Variants in FKBP11 observed in about 807,000 individuals in gnomAD.
The protein encoded by FKBP11 is FKBP prolyl isomerase 11, also known as peptidyl-prolyl cis-trans isomerase FKBP11.
A neutral mutation model predicts 24.7 loss-of-function variants in FKBP11; 21 were observed. The observed-to-expected ratio is 0.85, with a 90% CI of 0.60 to 1.23. FKBP11 has a LOEUF of 1.23. Ranked by LOEUF, FKBP11 falls within the 50% of genes most tolerant of loss-of-function variation. The pLI is 0.00. For synonymous variants in FKBP11, 106 were observed against 100.6 expected (o/e 1.05, Z -0.32); for missense variants, 245 against 248.7 (o/e 0.99, Z 0.10).
upstream of FKBP11, among the ~76,000 whole-genome samples, chr12:48,929,297 G>A (rs1464232372): frequency 6.6e-6 from 1 of 151,908 alleles, no homozygotes; most frequent in East Asian, 1.9e-4. Flanking sequence ...ATAATTTAAC[G>A]ATTAGCTAGG....
At chr12:48,938,504 A>G in the FKBP11 span, 1 of 451,454 alleles carries the variant, frequency 2.2e-6, no homozygotes. Context: ...AAACACAGAG[A>G]GGCCCGTGCA....
the FKBP11 span, chr12:48,938,865 G>A: frequency 6.5e-7 from 1 of 1,537,784 alleles, no homozygotes; most frequent in Non-Finnish European, 8.8e-7. Flanking sequence ...CACTTGCATG[G>A]AGAGGAAGGG....
intron 5 of FKBP11, chr12:48,923,557 G>A: frequency 1.3e-6 from 2 of 1,551,668 alleles, no homozygotes; most frequent in Non-Finnish European, 1.7e-6. Context: ...ACAAGTTACT[G>A]GCTGCTGGAG....
In FKBP11 at chr12:48,925,458, C is replaced by A. The variant is rs1000288735; in HGVS notation, c.-30G>T. The A allele has an allele frequency of 1.3e-6, 2 of 1,542,454 alleles. No homozygotes were observed. ...GGGCGCGGGGCAGGGAGCCGGGGCA[C>A]CAGGACAGGCTGTTCGGGTGGCGGC... On this transcript the variant is annotated 5_prime_UTR_variant, in exon 1 of 6. Coordinates refer to ENST00000550765, the MANE Select transcript of FKBP11 (RefSeq NM_016594.3).
chr12:48,927,608 G>C (rs945821422), upstream of FKBP11, among the ~76,000 whole-genome samples: 3 of 152,192 alleles, frequency 2.0e-5, no homozygotes, highest in Non-Finnish European at 2.9e-5. Context: ...AACATAAACA[G>C]AAGTGTTGGA....
At chr12:48,923,283 A>G in intron 5 of FKBP11, 1 of 1,396,240 alleles carries the variant, frequency 7.2e-7, no homozygotes, top group Non-Finnish European at 9.3e-7. Context: ...TCAAAAATAG[A>G]CATCGGCAGT....
intron 5 of FKBP11, chr12:48,923,505 A>G: frequency 6.4e-7 from 1 of 1,550,744 alleles, no homozygotes; most frequent in Non-Finnish European, 8.7e-7. Context: ...AGGTGGTGGC[A>G]CAGGCAGCAG....
chr12:48,928,194 G>C (rs1382969293), upstream of FKBP11, among the ~76,000 whole-genome samples: 5 of 150,834 alleles, frequency 3.3e-5, no homozygotes, highest in Admixed American at 2.0e-4. Context: ...ACAGAGGCAT[G>C]CCACCACACC....
At chr12:48,938,939 TCTGG>T in the FKBP11 span, 3 of 1,611,560 alleles carry the variant, frequency 1.9e-6, no homozygotes, top group African/African-American at 1.3e-5. Context: ...GTTAGGGCTG[TCTGG>T]CTTTCACTTC....
chr12:48,938,767 T>A, the FKBP11 span: 2 of 701,016 alleles, frequency 2.9e-6, no homozygotes, highest in Admixed American at 2.9e-5. Flanking sequence ...TAGGGATTGG[T>A]CATATAGGTG....
At chr12:48,924,291 T>C (rs766994032) in intron 3 of FKBP11, 35 bp from the exon 4 acceptor site, 2 of 1,613,764 alleles carry the variant, frequency 1.2e-6, no homozygotes, top group Non-Finnish European at 1.7e-6. Flanking sequence ...CTGGAAGCTA[T>C]CCACCTTCCC....
At chr12:48,931,408 CA>C (rs1215767304), upstream of FKBP11, 2 of 1,535,848 alleles carry the variant, frequency 1.3e-6, no homozygotes, top group Non-Finnish European at 1.7e-6. Flanking sequence ...AATATCCACC[CA>C]CAGGCAGCAC....
At chr12:48,937,197 T>C in the FKBP11 span, 2 of 152,248 alleles carry the variant, frequency 1.3e-5, no homozygotes, top group Non-Finnish European at 2.9e-5. Flanking sequence ...TATTGATCCA[T>C]CTGCTATCAA....
the FKBP11 span, among the ~76,000 whole-genome samples, chr12:48,933,873 AAAG>A: frequency 1.3e-5 from 2 of 151,950 alleles, no homozygotes; most frequent in East Asian, 3.9e-4. Context: ...AAAAAAAAAA[AAAG>A]CTTTTCTTAA....
chr12:48,929,210 G>A (rs1940018767), upstream of FKBP11, among the ~76,000 whole-genome samples: 1 of 151,974 alleles, frequency 6.6e-6, no homozygotes, highest in Admixed American at 6.5e-5. Flanking sequence ...ATTTTTGGGA[G>A]GCTGAGGCAG....
chr12:48,922,565 A>T (rs1208170889), intron 5 of FKBP11: 17 of 1,009,424 alleles, frequency 1.7e-5, no homozygotes, highest in Non-Finnish European at 1.9e-5. Context: ...GAGTCTTTGC[A>T]GGGCTGAAAT....
chr12:48,923,445 CAGCGTAGAGTTGT>C, intron 5 of FKBP11: 1 of 1,540,080 alleles, frequency 6.5e-7, no homozygotes, highest in Non-Finnish European at 8.8e-7. Flanking sequence ...ACAGCTGACA[CAGCGTAGAGTTGT>C]AGAAAAGGGC....
the FKBP11 span, chr12:48,931,802 C>A: frequency 4.1e-6 from 1 of 245,700 alleles, no homozygotes; most frequent in South Asian, 8.8e-5. Flanking sequence ...TTATTTATAA[C>A]AGGTTGTTAA....
At chr12:48,933,698 CAAAA>C in the FKBP11 span, among the ~76,000 whole-genome samples, 1 of 103,334 alleles carries the variant, frequency 9.7e-6, no homozygotes, top group Non-Finnish European at 1.9e-5. Context: ...GACTCCGTCT[CAAAA>C]AAAAAAAAAA....
Sources: gnomAD v4.1 joint callset for allele counts (sites outside exome capture counted in the v4.1 genomes callset) on GRCh38, gnomAD v4.1.1 for gene constraint, MANE v1.5 for transcripts, NCBI Gene and HGNC (gene_info 2026-07-23, HGNC 2026-07-21) for gene names.